The following ACSM1 variants were observed in gnomAD, a reference collection of about 807,000 sequenced individuals.
The protein encoded by ACSM1 is acyl-coenzyme A synthetase ACSM1, mitochondrial.
A neutral mutation model predicts 75.8 loss-of-function variants in ACSM1; 79 were observed. The ratio of observed to expected loss-of-function variants is 1.04; its 90% confidence interval spans 0.87 to 1.26. The LOEUF is 1.26. Among genes scored for constraint, ACSM1 ranks in the 50% most tolerant of loss-of-function variants. The probability of loss-of-function intolerance (pLI) is 0.00; values close to 1 mark genes in which losing one functional copy is unlikely to be tolerated. For missense variants in ACSM1, 676 were observed against 720.1 expected (o/e 0.94, Z 0.70); for synonymous variants, 279 against 265.8 (o/e 1.05, Z -0.48).
chr16:20,670,929 A>C, intron 5 of ACSM1, among the ~76,000 whole-genome samples: 1 of 152,224 alleles, frequency 6.6e-6, no homozygotes, highest in Non-Finnish European at 1.5e-5. Context: ...AATTTGGTCC[A>C]TTCTGAATAT....
chr16:20,682,327 G>A lies in ACSM1; in HGVS notation c.540C>T (p.Pro180=). 1 of 1,614,036 alleles carries A rather than the reference G, an allele frequency of 6.2e-7. No individual in the cohort carries two copies. ...ACACCAGGAGCTTGGTTTTCAGAGAGGGGCACTGAGAAGCTATGGAGTCCA... is the reference window on the plus strand; with the variant it reads ...ACACCAGGAGCTTGGTTTTCAGAGAAGGGCACTGAGAAGCTATGGAGTCCA... ...SEVDSIASQC[P]SLKTKLLVSD... is the part of the protein sequence containing the mutation. The change falls in exon 4 of 14, where the codon CCC becomes CCT. Residue 180 remains proline (P), a synonymous_variant. Coordinates refer to ENST00000520010, the MANE Select transcript of ACSM1 (RefSeq NM_001318890.3).
chr16:20,653,364 T>C (rs1226940730), intron 7 of ACSM1, among the ~76,000 whole-genome samples: 9 of 152,106 alleles, frequency 5.9e-5, no homozygotes, highest in Non-Finnish European at 1.2e-4. Context: ...TGCCCTCTCT[T>C]ACCACTCCTA....
Position 20,625,444 on chromosome 16 carries a change from G to A in ACSM1, c.1506C>T (p.Ser502=). 6.2e-7 allele frequency: 1 copy of A among 1,614,042 alleles called. No individual in the cohort carries two copies. The highest frequency in any genetic ancestry group is 8.5e-7 in the Non-Finnish European group (1 of 1,180,018). Residue 502 remains serine, a synonymous_variant, in exon 12 of 14, where the codon AGC becomes AGT. Transcript: ENST00000520010. ...PAVAESAVVG[S]PDPIRGEVVK... The stretch of plus-strand genomic sequence containing the variant: ...TCACCTCCCCTCGAATCGGGTCTGG[G>A]CTGCCCACCACGGCTGACTCCGCCA...
chr16:20,640,004 T>C (rs1596814924), intron 8 of ACSM1, among the ~76,000 whole-genome samples: 1 of 152,238 alleles, frequency 6.6e-6, no homozygotes, highest in African/African-American at 2.4e-5. Context: ...AGATCGTTAC[T>C]GTCAAACAGT....
At chr16:20,636,540 C>T (rs2017714257) in intron 10 of ACSM1, among the ~76,000 whole-genome samples, 199 bp downstream of exon 10, 1 of 152,206 alleles carries the variant, frequency 6.6e-6, no homozygotes, top group South Asian at 2.1e-4. Flanking sequence ...AGTCTTCATT[C>T]TACCCCAACA....
At chr16:20,632,367 T>A (rs1039674984) in intron 10 of ACSM1, among the ~76,000 whole-genome samples, 4 of 152,132 alleles carry the variant, frequency 2.6e-5, no homozygotes, top group African/African-American at 7.2e-5. Flanking sequence ...TTACTAACAT[T>A]TTACAGAAAT....
chr16:20,639,592 A>T (rs756835964), intron 8 of ACSM1, among the ~76,000 whole-genome samples: 1 of 152,224 alleles, frequency 6.6e-6, no homozygotes, highest in Non-Finnish European at 1.5e-5. Flanking sequence ...GTTTTGTCCA[A>T]GAGTTTTAAG....
chr16:20,669,431 T>C (rs2019756756), intron 6 of ACSM1, among the ~76,000 whole-genome samples: 1 of 137,502 alleles, frequency 7.3e-6, no homozygotes, highest in Non-Finnish European at 1.5e-5. Flanking sequence ...TTTATCATAT[T>C]GAGTAAGAAA....
At chr16:20,635,238 T>C (rs2017595991) in intron 10 of ACSM1, among the ~76,000 whole-genome samples, 1 of 151,928 alleles carries the variant, frequency 6.6e-6, no homozygotes, top group African/African-American at 2.4e-5. Flanking sequence ...CTACAAAAAA[T>C]CAAAAAATTA....
chr16:20,693,671 T>C (rs1321616728), intron 1 of ACSM1, among the ~76,000 whole-genome samples: 1 of 152,188 alleles, frequency 6.6e-6, no homozygotes, highest in Non-Finnish European at 1.5e-5. Context: ...TTAAATGAGA[T>C]GTTCTCCAGT....
intron 8 of ACSM1, among the ~76,000 whole-genome samples, chr16:20,638,891 G>C (rs1380449570): frequency 6.6e-6 from 1 of 152,218 alleles, no homozygotes; most frequent in Non-Finnish European, 1.5e-5. Flanking sequence ...TGGGTGGAGT[G>C]TGTCTTCCTG....
At chr16:20,650,412 C>A (rs1428815630) in intron 7 of ACSM1, among the ~76,000 whole-genome samples, 1 of 152,098 alleles carries the variant, frequency 6.6e-6, no homozygotes, top group African/African-American at 2.4e-5. Context: ...TGACCCCCCA[C>A]AACGTGCAGC....
At chr16:20,690,645 G>T (rs796216567) in intron 2 of ACSM1, among the ~76,000 whole-genome samples, 14 of 152,338 alleles carry the variant, frequency 9.2e-5, no homozygotes, top group African/African-American at 3.4e-4. Flanking sequence ...AAGACACATT[G>T]TCCCATTCAC....
intron 4 of ACSM1, among the ~76,000 whole-genome samples, chr16:20,677,303 T>C (rs2020347844): frequency 6.6e-6 from 1 of 151,808 alleles, no homozygotes; most frequent in Admixed American, 6.6e-5. Context: ...TATCTTCTTG[T>C]ATGCCCATAA....
At chr16:20,679,624 GA>G (rs1468157161) in intron 4 of ACSM1, 1 of 152,130 alleles carries the variant, frequency 6.6e-6, no homozygotes, top group Non-Finnish European at 1.5e-5. Flanking sequence ...ACTAGAAGGG[GA>G]GAAATCTCTA....
At chr16:20,629,022 T>A (rs1326859507) in intron 10 of ACSM1, among the ~76,000 whole-genome samples, 1 of 152,258 alleles carries the variant, frequency 6.6e-6, no homozygotes, top group African/African-American at 2.4e-5. Flanking sequence ...TTCTGATTGT[T>A]CTGAGTATAT....
At chr16:20,631,630 CAAT>C (rs1415466734) in intron 10 of ACSM1, among the ~76,000 whole-genome samples, 5 of 152,132 alleles carry the variant, frequency 3.3e-5, no homozygotes, top group Non-Finnish European at 7.3e-5. Context: ...GCCCATCAAC[CAAT>C]GAGTGGATAC....
At chr16:20,662,540 A>G (rs1295022442) in intron 6 of ACSM1, among the ~76,000 whole-genome samples, 1 of 152,184 alleles carries the variant, frequency 6.6e-6, no homozygotes, top group Non-Finnish European at 1.5e-5. Context: ...AGATACACTA[A>G]GAGAGTGAAG....
intron 10 of ACSM1, among the ~76,000 whole-genome samples, chr16:20,631,657 T>C (rs1372171616): frequency 6.6e-6 from 1 of 152,206 alleles, no homozygotes; most frequent in East Asian, 1.9e-4. Flanking sequence ...AAATGTGGTA[T>C]ATATACACCA....
Sources: gnomAD v4.1 joint callset for allele counts (sites outside exome capture counted in the v4.1 genomes callset) on GRCh38, gnomAD v4.1.1 for gene constraint, MANE v1.5 for transcripts, NCBI Gene and HGNC (gene_info 2026-07-23, HGNC 2026-07-21) for gene names.